Variants in SLC36A1 observed in about 807,000 individuals in gnomAD.
The protein encoded by SLC36A1 is solute carrier family 36 member 1.
In SLC36A1, 30 loss-of-function variants were observed where a neutral mutation model predicts 47.5. The observed-to-expected ratio is 0.63, with a 90% CI of 0.47 to 0.86. The LOEUF (loss-of-function observed/expected upper bound fraction) is 0.86, where lower values mean the gene tolerates loss of function less well. SLC36A1 is among the 40% of genes least tolerant of loss of function. The pLI is 0.00. For synonymous variants in SLC36A1, 255 were observed against 249.7 expected, an observed-to-expected ratio of 1.02 and a Z score of -0.20; for missense variants, 517 against 606.0, an observed-to-expected ratio of 0.85 and a Z score of 1.54.
chr5:151,347,367 TCTC>T, the SLC36A1 span: 7 of 1,614,232 alleles, frequency 4.3e-6, no homozygotes, highest in East Asian at 1.1e-4. Context: ...GAGTCCTTGT[TCTC>T]CAACTTCTTG....
At chr5:151,553,305 G>C in the SLC36A1 span, 1 of 1,614,272 alleles carries the variant, frequency 6.2e-7, no homozygotes, top group South Asian at 1.1e-5. Flanking sequence ...AGGGATGGAG[G>C]ACGGCCGGGG....
chr5:151,433,258 ATATATATATTTTTTTTTTTTTTTTTTT>A (rs1759539413), upstream of SLC36A1, among the ~76,000 whole-genome samples: 2 of 15,398 alleles, frequency 1.3e-4, no homozygotes, highest in African/African-American at 5.4e-4. Flanking sequence ...ATATATATAT[ATATATATATTTTTTTTTTTTTTTTTTT>A]TTTTTTTTTT....
At chr5:151,537,776 C>A in the SLC36A1 span, 1 of 1,601,368 alleles carries the variant, frequency 6.2e-7, no homozygotes, top group African/African-American at 1.3e-5. Flanking sequence ...TTTGATCCTG[C>A]AGCTCAGGAA....
intron 1 of SLC36A1, among the ~76,000 whole-genome samples, chr5:151,457,347 G>A (rs1371173722): frequency 6.6e-6 from 1 of 152,086 alleles, no homozygotes; most frequent in East Asian, 1.9e-4. Flanking sequence ...ATGGTCTCTA[G>A]GATTCTAGGG....
chr5:151,376,015 G>T, the SLC36A1 span, among the ~76,000 whole-genome samples: 5 of 152,042 alleles, frequency 3.3e-5, no homozygotes, highest in Non-Finnish European at 7.4e-5. Flanking sequence ...CTCTGGCAAG[G>T]ACTTCCAGTA....
the SLC36A1 span, among the ~76,000 whole-genome samples, chr5:151,513,387 G>A: frequency 7.2e-5 from 11 of 152,288 alleles, no homozygotes; most frequent in South Asian, 2.3e-3. Context: ...ATATGGTACA[G>A]ATACACCATG....
chr5:151,503,465 T>G, the SLC36A1 span, among the ~76,000 whole-genome samples: 349 of 149,638 alleles, frequency 2.3e-3, 12 homozygotes, highest in African/African-American at 8.6e-3. Flanking sequence ...GGGCTTGGAA[T>G]CAAACCTGTT....
chr5:151,524,011 G>A, the SLC36A1 span, among the ~76,000 whole-genome samples: 1 of 152,012 alleles, frequency 6.6e-6, no homozygotes, highest in Non-Finnish European at 1.5e-5. Flanking sequence ...AAATATGTCC[G>A]AAATCTCTCC....
intron 1 of SLC36A1, among the ~76,000 whole-genome samples, chr5:151,456,458 C>T (rs902642774): frequency 6.6e-6 from 1 of 152,226 alleles, no homozygotes; most frequent in African/African-American, 2.4e-5. Context: ...GTAGGCTTGG[C>T]GCCTGGGCCT....
downstream of SLC36A1, among the ~76,000 whole-genome samples, chr5:151,495,891 G>T (rs748235644): frequency 6.6e-6 from 1 of 152,104 alleles, no homozygotes; most frequent in Non-Finnish European, 1.5e-5. Flanking sequence ...GGGTTCCATG[G>T]TACTGATGTT....
chr5:151,442,280 C>G (rs1240764716), intron 1 of SLC36A1, among the ~76,000 whole-genome samples: 2 of 151,850 alleles, frequency 1.3e-5, no homozygotes, highest in Admixed American at 6.6e-5. Context: ...ACATAGCTAC[C>G]CATTATTTGG....
At chr5:151,479,222 T>A in intron 9 of SLC36A1, 98 bp from the exon 10 acceptor site, 1 of 1,315,584 alleles carries the variant, frequency 7.6e-7, no homozygotes, top group Non-Finnish European at 1.1e-6. Context: ...GTATCCTTGA[T>A]AAGTGTCAAC....
intron 1 of SLC36A1, among the ~76,000 whole-genome samples, chr5:151,455,112 A>T (rs866200069): frequency 6.6e-6 from 1 of 152,144 alleles, no homozygotes; most frequent in African/African-American, 2.4e-5. Flanking sequence ...ACATGTACCC[A>T]TGTGTAACAT....
At chr5:151,507,105 C>T in the SLC36A1 span, 1 of 1,483,374 alleles carries the variant, frequency 6.7e-7, no homozygotes, top group Non-Finnish European at 9.1e-7. Context: ...TTAGAACCAC[C>T]ACCCACTTCC....
chr5:151,473,857 T>C, intron 8 of SLC36A1, 86 bp downstream of exon 8: 4 of 1,083,668 alleles, frequency 3.7e-6, no homozygotes, highest in South Asian at 1.3e-5. Context: ...TGAGGAAACA[T>C]TGTTAGAAAG....
intron 1 of SLC36A1, among the ~76,000 whole-genome samples, chr5:151,454,419 T>C (rs1312806656): frequency 6.6e-6 from 1 of 152,078 alleles, no homozygotes; most frequent in Non-Finnish European, 1.5e-5. Context: ...GAGGAGGCCT[T>C]GGTTTCCAAA....
At chr5:151,425,138 TGA>T in the SLC36A1 span, among the ~76,000 whole-genome samples, 1 of 152,228 alleles carries the variant, frequency 6.6e-6, no homozygotes, top group African/African-American at 2.4e-5. Flanking sequence ...TGGGGACTCC[TGA>T]GAGAGAAATG....
the SLC36A1 span, among the ~76,000 whole-genome samples, chr5:151,546,997 C>T: frequency 1.3e-5 from 2 of 152,142 alleles, no homozygotes; most frequent in Admixed American, 6.5e-5. Context: ...TCTCACATCA[C>T]CTTTATAATT....
chr5:151,424,764 TTAATC>T, the SLC36A1 span, among the ~76,000 whole-genome samples: 997 of 152,008 alleles, frequency 6.6e-3, 13 homozygotes, highest in East Asian at 0.028. Flanking sequence ...ATTGTTTAAT[TTAATC>T]TTTCTAATAA....
Sources: gnomAD v4.1 joint callset for allele counts (sites outside exome capture counted in the v4.1 genomes callset) on GRCh38, gnomAD v4.1.1 for gene constraint, MANE v1.5 for transcripts, NCBI Gene and HGNC (gene_info 2026-07-23, HGNC 2026-07-21) for gene names.